STAU2: variants seen among roughly 807,000 people sequenced by gnomAD.
The protein encoded by STAU2 is double-stranded RNA-binding protein Staufen homolog 2.
In STAU2, 20 loss-of-function variants were observed where a neutral mutation model predicts 65.9. The observed-to-expected ratio is 0.30, with a 90% CI of 0.21 to 0.44. The LOEUF is 0.44. STAU2 is among the 20% of genes least tolerant of loss of function. STAU2 has a pLI of 1.00. For synonymous variants in STAU2, 232 were observed against 233.9 expected (o/e 0.99, Z 0.07); for missense variants, 558 against 683.9 (o/e 0.82, Z 2.05).
intron 13 of STAU2, among the ~76,000 whole-genome samples, chr8:73,509,079 T>C (rs1021586689): frequency 6.6e-6 from 1 of 152,240 alleles, no homozygotes; most frequent in Non-Finnish European, 1.5e-5. Flanking sequence ...ACTGCCAAAC[T>C]ATTTTCCAAA....
chr8:73,495,792 T>C (rs1821390411), intron 13 of STAU2, among the ~76,000 whole-genome samples: 1 of 151,192 alleles, frequency 6.6e-6, no homozygotes, highest in Non-Finnish European at 1.5e-5. Context: ...TTTTATGATA[T>C]TAATCTACGG....
intron 12 of STAU2, among the ~76,000 whole-genome samples, chr8:73,562,425 G>A (rs1483523183): frequency 6.6e-6 from 1 of 152,204 alleles, no homozygotes; most frequent in Non-Finnish European, 1.5e-5. Context: ...GTTCAAGGCT[G>A]CAGTGAGCTA....
intron 11 of STAU2, among the ~76,000 whole-genome samples, chr8:73,594,779 A>AG (rs1811063004): frequency 1.3e-5 from 2 of 152,228 alleles, no homozygotes; most frequent in Admixed American, 1.3e-4. Context: ...CCTGCCCTAA[A>AG]GGGATAAGTC....
intron 13 of STAU2, among the ~76,000 whole-genome samples, chr8:73,468,009 C>T (rs1212439040): frequency 1.3e-5 from 2 of 152,144 alleles, no homozygotes; most frequent in Non-Finnish European, 2.9e-5. Flanking sequence ...CAATCCTAAG[C>T]CAAAAGAACA....
intron 13 of STAU2, among the ~76,000 whole-genome samples, chr8:73,489,215 C>T (rs1434707505): frequency 6.6e-6 from 1 of 151,536 alleles, no homozygotes; most frequent in African/African-American, 2.4e-5. Flanking sequence ...TTCAAGAGGC[C>T]TTCAATATTA....
At chr8:73,535,722 G>A (rs1390340871) in intron 13 of STAU2, among the ~76,000 whole-genome samples, 3 of 152,112 alleles carry the variant, frequency 2.0e-5, no homozygotes, top group Non-Finnish European at 4.4e-5. Flanking sequence ...ACATTAAACG[G>A]CAGAGGGCTT....
chr8:73,551,946 G>T, intron 13 of STAU2, 66 bp downstream of exon 13: 1 of 1,505,324 alleles, frequency 6.6e-7, no homozygotes, highest in Non-Finnish European at 8.9e-7. Context: ...GCCTTGTGAT[G>T]TATACAGATG....
At chr8:73,561,717 G>A (rs1367683457) in intron 12 of STAU2, among the ~76,000 whole-genome samples, 1 of 152,078 alleles carries the variant, frequency 6.6e-6, no homozygotes, top group African/African-American at 2.4e-5. Context: ...ACCTGCAAAC[G>A]GCTCACAATA....
At chr8:73,592,400 C>A (rs987191230) in intron 11 of STAU2, among the ~76,000 whole-genome samples, 4 of 151,872 alleles carry the variant, frequency 2.6e-5, no homozygotes, top group African/African-American at 9.7e-5. Context: ...TAGATGAAAT[C>A]AACTAATTCT....
At chr8:73,456,039 G>A (rs186541445) in intron 13 of STAU2, among the ~76,000 whole-genome samples, 13 of 152,338 alleles carry the variant, frequency 8.5e-5, no homozygotes, top group South Asian at 8.3e-4. Context: ...AAGGATCCAT[G>A]TACTGGTACA....
intron 4 of STAU2, among the ~76,000 whole-genome samples, chr8:73,692,278 A>G (rs746658568): frequency 1.3e-4 from 20 of 151,434 alleles, no homozygotes; most frequent in Non-Finnish European, 2.5e-4. Context: ...TCTCATTGCA[A>G]CCTCCGCCTC....
intron 13 of STAU2, among the ~76,000 whole-genome samples, chr8:73,484,599 A>G (rs978519509): frequency 1.3e-5 from 2 of 152,110 alleles, no homozygotes; most frequent in African/African-American, 4.8e-5. Flanking sequence ...GGATATTTAA[A>G]AAGTATAACA....
intron 6 of STAU2, among the ~76,000 whole-genome samples, chr8:73,639,811 C>A (rs1383057075): frequency 4.6e-5 from 7 of 151,916 alleles, no homozygotes; most frequent in Non-Finnish European, 1.0e-4. Context: ...CAAAATTATT[C>A]AATATTTGGA....
At chr8:73,437,311 C>T (rs544455796) in intron 13 of STAU2, among the ~76,000 whole-genome samples, 1 of 152,272 alleles carries the variant, frequency 6.6e-6, no homozygotes, top group African/African-American at 2.4e-5. Context: ...CACACAAGTG[C>T]TTAAAATTAA....
chr8:73,716,968 G>C (rs533177563), intron 3 of STAU2, among the ~76,000 whole-genome samples: 88 of 152,226 alleles, frequency 5.8e-4, no homozygotes, highest in African/African-American at 2.0e-3. Context: ...GGGCACGGTA[G>C]TGTGCGCCTG....
Position 73,613,765 on chromosome 8 carries a change from T to G in STAU2, c.870A>C (p.Lys290Asn), listed in dbSNP as rs779503584. The G allele has an allele frequency of 6.2e-7, 1 of 1,611,276 alleles. No individual in the cohort carries two copies. Among genetic ancestry groups the G allele is most frequent in the Non-Finnish European group, 8.5e-7 (1 of 1,179,416 alleles). ...VVEKPKLFFK[K>N]RPKTIVKAGP... ...TTACCTTTACTATTGTTTTAGGGCG[T>G]TTTTTAAAAAATAGTTTTGGCTTTT... is the stretch of plus-strand genomic sequence containing the variant. The change falls in exon 9 of 15, where the codon AAA becomes AAC. Residue 290 changes from lysine to asparagine, a missense_variant. By Grantham distance (94) the Lys-to-Asn change is moderately conservative. This residue lies in a region of STAU2 where 199 missense variants were observed against 299.5 expected (regional missense o/e 0.66). Transcript: ENST00000524300.
intron 6 of STAU2, among the ~76,000 whole-genome samples, chr8:73,649,869 T>TTATATA (rs55814743): frequency 0.061 from 4,315 of 70,530 alleles, 173 homozygotes; most frequent in East Asian, 0.095. Flanking sequence ...CTATATAATT[T>TTATATA]TATATATATA....
intron 11 of STAU2, among the ~76,000 whole-genome samples, chr8:73,587,750 T>C (rs1255206174): frequency 6.6e-6 from 1 of 152,172 alleles, no homozygotes; most frequent in Non-Finnish European, 1.5e-5. Context: ...CCCATAGTGG[T>C]AAGTAATAAA....
intron 3 of STAU2, among the ~76,000 whole-genome samples, chr8:73,736,852 A>T (rs1239005223): frequency 6.6e-6 from 1 of 152,160 alleles, no homozygotes; most frequent in Non-Finnish European, 1.5e-5. Context: ...TATATGTCGG[A>T]AGGCAGGGGG....
Sources: gnomAD v4.1 joint callset for allele counts (sites outside exome capture counted in the v4.1 genomes callset) on GRCh38, gnomAD v4.1.1 for gene constraint, gnomAD v4.1.1 regional missense constraint, MANE v1.5 for transcripts, NCBI Gene and HGNC (gene_info 2026-07-23, HGNC 2026-07-21) for gene names.